The following VEZT variants were observed in gnomAD, a reference collection of about 807,000 sequenced individuals.
VEZT encodes the protein vezatin.
VEZT carries 39 observed loss-of-function variants against 79.9 expected under a neutral mutation model. That is an observed-to-expected ratio of 0.49 (90% confidence interval 0.38 to 0.64). The LOEUF is 0.64. Among genes scored for constraint, VEZT ranks in the 30% least tolerant of loss-of-function variants. The pLI, the probability that VEZT is intolerant of heterozygous loss-of-function variation, is 0.00. For missense variants in VEZT, 837 were observed against 893.1 expected, an observed-to-expected ratio of 0.94 and a Z score of 0.80; for synonymous variants, 325 against 327.6, an observed-to-expected ratio of 0.99 and a Z score of 0.09.
In VEZT at chr12:95,282,793, C is replaced by CA. The variant is rs35758106; in HGVS notation, c.1328+161dup. On this transcript the variant is annotated intron_variant, in intron 8 of 11. Transcript: ENST00000436874. The stretch of plus-strand genomic sequence containing the variant: ...GGGTGATTTATAGCTATAAATATAG[C>CA]AAAAAAAAAAAATAATTTATAAGTA... The CA allele has an allele frequency of 6.1e-3, 2,454 of 402,132 alleles. 1 individual carries two copies. The highest frequency in any genetic ancestry group is 8.3e-3 in the Middle Eastern group (13 of 1,562). 24.9% of individuals were successfully genotyped at this position (402,132 alleles called of 1,614,324 possible). A position where few individuals can be genotyped will look rare whatever the true frequency, so the allele number is the denominator to read the frequency against.
chr12:95,280,149 A>G (rs1010131971), intron 7 of VEZT, among the ~76,000 whole-genome samples: 6 of 152,168 alleles, frequency 3.9e-5, no homozygotes, highest in Admixed American at 3.3e-4. Context: ...TCATTTTCCT[A>G]TAATCTCTCA....
Position 95,300,797 on chromosome 12 carries a change from A to T in VEZT, c.*124A>T, listed in dbSNP as rs2075129260. ...TAAAGCTAAGATGTGGATTTACAGG[A>T]AGAACCCTGGTTTGAATAACTGATC... On this transcript the variant is annotated 3_prime_UTR_variant, in exon 12 of 12. Coordinates refer to ENST00000436874, the MANE Select transcript of VEZT (RefSeq NM_017599.4). 1 of 1,305,626 alleles carries T rather than the reference A, an allele frequency of 7.7e-7. No homozygotes were observed. The highest frequency in any genetic ancestry group is 9.9e-7 in the Non-Finnish European group (1 of 1,009,788). 80.9% of individuals were successfully genotyped at this position (1,305,626 alleles called of 1,614,324 possible).
intron 8 of VEZT, among the ~76,000 whole-genome samples, chr12:95,284,391 A>G (rs1235917861): frequency 4.6e-5 from 7 of 151,934 alleles, no homozygotes; most frequent in Admixed American, 2.6e-4. Flanking sequence ...ATGTGGAACC[A>G]TATTGTCTCT....
At chr12:95,266,089 C>T (rs1038653) in intron 4 of VEZT, among the ~76,000 whole-genome samples, 17,084 of 152,110 alleles carry the variant, frequency 0.11, 1,060 homozygotes, top group East Asian at 0.25. Context: ...ATCAGCTTTA[C>T]CTGATTCCAG....
At chr12:95,269,879 G>C in intron 5 of VEZT, 172 bp from the exon 6 acceptor site, 1 of 646,928 alleles carries the variant, frequency 1.5e-6, no homozygotes, top group Non-Finnish European at 2.5e-6. Context: ...TCTAGTCACA[G>C]AAATGACTAT....
chr12:95,296,276 AG>A lies in VEZT; in HGVS notation c.1831+19del. ...TGATCATGGTAAGCACTGACTTTAA[AG>A]TAACAGGTTATTTCAATGTAGGGGA... On this transcript the variant is annotated intron_variant, in intron 11 of 11. Coordinates refer to ENST00000436874, the MANE Select transcript of VEZT (RefSeq NM_017599.4). 6.4e-7 allele frequency: 1 copy of A among 1,553,838 alleles called. No homozygotes were observed. Among genetic ancestry groups the A allele is most frequent in the Non-Finnish European group, 8.7e-7 (1 of 1,149,392 alleles).
intron 11 of VEZT, 96 bp from the exon 12 acceptor site, chr12:95,300,069 C>T: frequency 1.5e-6 from 1 of 662,396 alleles, no homozygotes; most frequent in Non-Finnish European, 2.2e-6. Context: ...ATTTATTGTT[C>T]TTTTTAAGAA....
intron 11 of VEZT, chr12:95,296,490 A>T (rs902622444): frequency 6.1e-6 from 2 of 327,164 alleles, no homozygotes; most frequent in Non-Finnish European, 1.1e-5. Flanking sequence ...ATTTTTTAGT[A>T]AATTTGTTTT....
intron 1 of VEZT, among the ~76,000 whole-genome samples, chr12:95,243,257 C>G (rs1417000577): frequency 6.6e-6 from 1 of 151,490 alleles, no homozygotes; most frequent in Non-Finnish European, 1.5e-5. Context: ...TGCCTGTGGT[C>G]CCAGCTACTT....
chr12:95,250,999 C>T (rs2062505285), intron 1 of VEZT, among the ~76,000 whole-genome samples: 1 of 151,958 alleles, frequency 6.6e-6, no homozygotes. Context: ...GGATTTGAAT[C>T]TGTAGATTGG....
At chr12:95,235,500 C>T (rs1287825837) in intron 1 of VEZT, among the ~76,000 whole-genome samples, 1 of 137,368 alleles carries the variant, frequency 7.3e-6, no homozygotes, top group African/African-American at 2.8e-5. Flanking sequence ...CGGGCAGAGG[C>T]GCCCCTCACC....
chr12:95,252,215 A>G (rs2062720546), intron 2 of VEZT, 144 bp downstream of exon 2: 2 of 767,250 alleles, frequency 2.6e-6, no homozygotes, highest in African/African-American at 3.6e-5. Flanking sequence ...TTTCTGTTAG[A>G]TAAACATGAA....
At chr12:95,235,964 C>T (rs2060098344) in intron 1 of VEZT, among the ~76,000 whole-genome samples, 1 of 152,026 alleles carries the variant, frequency 6.6e-6, no homozygotes, top group African/African-American at 2.4e-5. Flanking sequence ...AGGCGCTCCT[C>T]ACTTCCTAGA....
At chr12:95,291,110 A>C (rs1329053404) in intron 9 of VEZT, among the ~76,000 whole-genome samples, 1 of 152,090 alleles carries the variant, frequency 6.6e-6, no homozygotes, top group African/African-American at 2.4e-5. Context: ...ACCAAAAAAA[A>C]CAAAAAGTTA....
chr12:95,286,096 G>A (rs973920911), intron 8 of VEZT, among the ~76,000 whole-genome samples: 9 of 145,106 alleles, frequency 6.2e-5, no homozygotes, highest in South Asian at 4.5e-4. Flanking sequence ...ACATTCAAGC[G>A]ATTCTCCTAC....
At chr12:95,241,932 A>T (rs1167300050) in intron 1 of VEZT, among the ~76,000 whole-genome samples, 2 of 152,208 alleles carry the variant, frequency 1.3e-5, no homozygotes, top group Non-Finnish European at 2.9e-5. Context: ...TTGCTAGAGG[A>T]TACCTTTGAT....
At chr12:95,225,779 AAAAAAAAAAAAAAAG>A (rs58340146) in intron 1 of VEZT, among the ~76,000 whole-genome samples, 10,130 of 140,566 alleles carry the variant, frequency 0.072, 447 homozygotes, top group African/African-American at 0.1. Context: ...AAAAAAAAAA[AAAAAAAAAAAAAAAG>A]AGAGAGAAGG....
chr12:95,251,974 G>A lies in VEZT; in HGVS notation c.71G>A (p.Gly24Glu), dbSNP rs779535400. Residue 24 changes from glycine (G) to glutamate (E), a missense_variant, in exon 2 of 12, where the codon GGA (glycine) becomes GAA (glutamate). By Grantham distance (98) the Gly-to-Glu change is moderately conservative (BLOSUM62 -2). Transcript: ENST00000436874. ...CTTTACCAATACTTACAGGATCTGG[G>A]ACACACAGACTTTGAAATATGTTCT... The part of the protein sequence containing the change: ...SPLYQYLQDL[G>E]HTDFEICSSL... The A allele has an allele frequency of 3.1e-6, 5 of 1,611,880 alleles. No homozygotes were observed. The highest frequency in any genetic ancestry group is 3.3e-5 in the Admixed American group (2 of 59,726).
intron 11 of VEZT, among the ~76,000 whole-genome samples, chr12:95,297,750 GT>G: frequency 6.6e-6 from 1 of 151,996 alleles, no homozygotes. Context: ...ATTTTCTACT[GT>G]TTTTACTATA....
Sources: gnomAD v4.1 joint callset for allele counts (sites outside exome capture counted in the v4.1 genomes callset) on GRCh38, gnomAD v4.1.1 for gene constraint, MANE v1.5 for transcripts, NCBI Gene and HGNC (gene_info 2026-07-23, HGNC 2026-07-21) for gene names.